The following C1orf21 variants were observed in gnomAD, a reference collection of about 807,000 sequenced individuals.
The protein encoded by C1orf21 is uncharacterized protein C1orf21.
In C1orf21, 3 loss-of-function variants were observed where a neutral mutation model predicts 18.7. The observed-to-expected ratio is 0.16, with a 90% CI of 0.07 to 0.42. The LOEUF (loss-of-function observed/expected upper bound fraction) is 0.42. Ranked by LOEUF, C1orf21 falls within the 10% of genes least tolerant of loss-of-function variation. The pLI is 0.99. For synonymous variants in C1orf21, 41 were observed against 46.4 expected, an observed-to-expected ratio of 0.88 and a Z score of 0.47; for missense variants, 104 against 143.6, an observed-to-expected ratio of 0.72 and a Z score of 1.41.
In C1orf21 at chr1:184,603,621, C is replaced by G. The variant is rs866816584; in HGVS notation, c.327+5160C>G. On this transcript the variant is annotated intron_variant, in intron 5 of 5. Transcript: ENST00000235307. ...GCCAGCCTAGCCAACATGGTGAAAC[C>G]CTGTCTATACTAAAAATACAAAAAT... Among the ~76,000 whole-genome samples, 50 of 152,226 alleles carry G rather than the reference C, an allele frequency of 3.3e-4. No homozygotes were observed. In the Middle Eastern group the frequency reaches 0.01, roughly 31 times the overall value.
intron 3 of C1orf21, among the ~76,000 whole-genome samples, chr1:184,516,916 T>C (rs1438959666): frequency 6.6e-6 from 1 of 152,234 alleles, no homozygotes; most frequent in South Asian, 2.1e-4. Flanking sequence ...ATGAGCTCTT[T>C]GGAGCAGTGG....
intron 3 of C1orf21, among the ~76,000 whole-genome samples, chr1:184,557,229 T>C (rs575033278): frequency 6.6e-6 from 1 of 152,138 alleles, no homozygotes; most frequent in East Asian, 1.9e-4. Context: ...AGAAGCTCAA[T>C]TTGTGTGTAT....
chr1:184,573,573 T>G (rs1290520153), intron 3 of C1orf21, among the ~76,000 whole-genome samples: 1 of 152,246 alleles, frequency 6.6e-6, no homozygotes, highest in African/African-American at 2.4e-5. Context: ...AAAGTCAGAT[T>G]TGCTTCAGCC....
intron 1 of C1orf21, among the ~76,000 whole-genome samples, chr1:184,424,236 G>C (rs1455129529): frequency 3.9e-5 from 6 of 151,942 alleles, no homozygotes. Context: ...CCCTTAAAAG[G>C]GCCTCCTAAG....
chr1:184,391,289 G>A (rs1655967539), intron 1 of C1orf21, among the ~76,000 whole-genome samples: 1 of 152,146 alleles, frequency 6.6e-6, no homozygotes, highest in African/African-American at 2.4e-5. Context: ...ACTAGAAAAT[G>A]TATTTCCCAG....
intron 3 of C1orf21, among the ~76,000 whole-genome samples, chr1:184,581,909 A>C (rs1659282144): frequency 6.6e-6 from 1 of 152,238 alleles, no homozygotes; most frequent in Admixed American, 6.5e-5. Flanking sequence ...AAAAGCTGAG[A>C]CTTTACATGC....
chr1:184,515,748 G>A (rs1658215037), intron 3 of C1orf21, among the ~76,000 whole-genome samples: 1 of 152,130 alleles, frequency 6.6e-6, no homozygotes, highest in African/African-American at 2.4e-5. Flanking sequence ...TAAGCCATTT[G>A]ATGATGGATT....
At chr1:184,456,826 C>T (rs1387362498) in intron 1 of C1orf21, among the ~76,000 whole-genome samples, 2 of 152,148 alleles carry the variant, frequency 1.3e-5, no homozygotes, top group Admixed American at 1.3e-4. Context: ...TCATCTTTTA[C>T]TCTGTGACAA....
intron 3 of C1orf21, among the ~76,000 whole-genome samples, chr1:184,560,551 C>T (rs145522163): frequency 2.8e-4 from 42 of 152,280 alleles, no homozygotes; most frequent in Admixed American, 1.7e-3. Flanking sequence ...ATATCCTCCC[C>T]CCACCCCTTT....
chr1:184,451,225 A>T (rs1259749620), intron 1 of C1orf21, among the ~76,000 whole-genome samples: 3 of 152,108 alleles, frequency 2.0e-5, no homozygotes, highest in African/African-American at 7.2e-5. Context: ...GACCATATAA[A>T]AATAATTGCC....
At chr1:184,564,541 C>G (rs1043433366) in intron 3 of C1orf21, among the ~76,000 whole-genome samples, 2 of 152,084 alleles carry the variant, frequency 1.3e-5, no homozygotes, top group African/African-American at 4.8e-5. Flanking sequence ...CTCCTGACCT[C>G]AAGTGATCCA....
chr1:184,592,693 CAGA>C (rs67476326), intron 4 of C1orf21, among the ~76,000 whole-genome samples: 26,091 of 152,030 alleles, frequency 0.17, 2,492 homozygotes, highest in East Asian at 0.31. Context: ...AAATCATAAG[CAGA>C]AGAAGGTATG....
In C1orf21 at chr1:184,510,511, A is replaced by G. The variant is rs182835692; in HGVS notation, c.189+2829A>G. ...CTATTGGGGCATCAGGACCTACTTC[A>G]TGAAAAAGCTGACATTTACGATGGG... On this transcript the variant is annotated intron_variant, in intron 3 of 5. Coordinates refer to ENST00000235307, the MANE Select transcript of C1orf21 (RefSeq NM_030806.4). 6.2e-4 allele frequency among the ~76,000 whole-genome samples: 95 copies of G among 152,320 alleles called. 1 individual carries two copies. The highest frequency in any genetic ancestry group is 2.0e-3 in the African/African-American group (84 of 41,590).
At chr1:184,507,733 A>G in intron 3 of C1orf21, 51 bp downstream of exon 3, 1 of 1,434,684 alleles carries the variant, frequency 7.0e-7, no homozygotes, top group Non-Finnish European at 9.5e-7. Flanking sequence ...CACTATTGTA[A>G]TAAAATCTGC....
At chr1:184,428,377 A>G (rs911523273) in intron 1 of C1orf21, among the ~76,000 whole-genome samples, 1 of 152,220 alleles carries the variant, frequency 6.6e-6, no homozygotes, top group Admixed American at 6.5e-5. Flanking sequence ...GAGGAAGAGG[A>G]TAGGAGGCAG....
intron 1 of C1orf21, among the ~76,000 whole-genome samples, chr1:184,460,636 T>C (rs1319112654): frequency 1.0e-5 from 1 of 97,070 alleles, no homozygotes; most frequent in Non-Finnish European, 2.4e-5. Flanking sequence ...TTCTTCTTCT[T>C]CTTCTTCTTC....
chr1:184,558,256 C>T (rs1463869585), intron 3 of C1orf21, among the ~76,000 whole-genome samples: 2 of 152,148 alleles, frequency 1.3e-5, no homozygotes, highest in Non-Finnish European at 2.9e-5. Flanking sequence ...CACCAATAAG[C>T]TTCTACCATG....
chr1:184,449,111 A>C (rs944549003), intron 1 of C1orf21, among the ~76,000 whole-genome samples: 3 of 152,134 alleles, frequency 2.0e-5, no homozygotes, highest in Middle Eastern at 3.2e-3. Flanking sequence ...CAGGTTTGTT[A>C]CATATGTATA....
intron 1 of C1orf21, among the ~76,000 whole-genome samples, chr1:184,464,549 C>T (rs1165433112): frequency 6.6e-6 from 1 of 152,194 alleles, no homozygotes. Context: ...GGGCACCTGG[C>T]ATAGCAAGAG....
Sources: allele counts gnomAD v4.1 joint callset (sites outside exome capture counted in the v4.1 genomes callset), GRCh38; gene constraint gnomAD v4.1.1; transcripts MANE v1.5; gene names NCBI Gene and HGNC (gene_info 2026-07-23, HGNC 2026-07-21).